The following TAF3 variants were observed in gnomAD, a reference collection of about 807,000 sequenced individuals.
TAF3 encodes TATA-box binding protein associated factor 3.
In TAF3, 7 loss-of-function variants were observed where a neutral mutation model predicts 80.6. The observed-to-expected ratio is 0.09, with a 90% CI of 0.05 to 0.16. The LOEUF is 0.16. Ranked by LOEUF, TAF3 falls within the 10% of genes least tolerant of loss-of-function variation. The pLI, the probability that TAF3 is intolerant of heterozygous loss-of-function variation, is 1.00. For missense variants in TAF3, 921 were observed against 1,140.2 expected, an observed-to-expected ratio of 0.81 and a Z score of 2.77; for synonymous variants, 444 against 446.1, an observed-to-expected ratio of 1.00 and a Z score of 0.06.
At chr10:7,860,657 G>A (rs1435802413) in intron 2 of TAF3, among the ~76,000 whole-genome samples, 1 of 152,078 alleles carries the variant, frequency 6.6e-6, no homozygotes, top group East Asian at 1.9e-4. Context: ...CCTACAAAAG[G>A]TACCAATTAA....
At chr10:7,821,512 G>A (rs1031039137) in intron 1 of TAF3, among the ~76,000 whole-genome samples, 2 of 152,156 alleles carry the variant, frequency 1.3e-5, no homozygotes, top group Non-Finnish European at 2.9e-5. Flanking sequence ...GATGGTGTTT[G>A]TTTCTTCTAA....
chr10:7,917,935 G>T (rs968435237), intron 2 of TAF3, among the ~76,000 whole-genome samples: 4 of 152,220 alleles, frequency 2.6e-5, no homozygotes, highest in African/African-American at 9.6e-5. Flanking sequence ...AGGAGTGGAA[G>T]GTAGGAAGGA....
chr10:8,013,627 CT>C (rs1181290596), intron 5 of TAF3, 103 bp from the exon 6 acceptor site: 3 of 810,680 alleles, frequency 3.7e-6, no homozygotes, highest in Non-Finnish European at 6.0e-6. Context: ...TTTAATATGC[CT>C]GTTTATTCGG....
intron 4 of TAF3, among the ~76,000 whole-genome samples, chr10:8,003,557 T>G (rs1459034400): frequency 1.3e-5 from 2 of 152,230 alleles, no homozygotes; most frequent in Non-Finnish European, 2.9e-5. Flanking sequence ...TAAATTTTAA[T>G]GTAACAGAAT....
In TAF3 at chr10:8,009,179, T is replaced by TGCC. The variant is rs1179949715; in HGVS notation, c.2419_2420insCGC (p.Met806_Leu807insPro). The TGCC allele has an allele frequency of 3.7e-5, 56 of 1,520,848 alleles. No homozygotes were observed. The highest frequency in any genetic ancestry group is 4.9e-5 in the Non-Finnish European group (56 of 1,132,274). 94.2% of individuals were successfully genotyped at this position (1,520,848 alleles called of 1,614,324 possible). ...GCCCCCGCGCCCGCCCCCGGCCCCA[T>TGCC]GCTCGTCAGCCCTGCGCCCGTGCCG... On this transcript the variant is annotated inframe_insertion, in exon 5 of 7. Coordinates refer to ENST00000344293, the MANE Select transcript of TAF3 (RefSeq NM_031923.4). This position sits in a 1 kb window ranked among gnomAD's most constrained non-coding sequence, Gnocchi z 4.1.
chr10:7,855,320 A>G (rs1837067574), intron 2 of TAF3, among the ~76,000 whole-genome samples: 1 of 152,188 alleles, frequency 6.6e-6, no homozygotes, highest in Admixed American at 6.5e-5. Flanking sequence ...CAAAAGACTG[A>G]CTTCAAAGGG....
At chr10:7,989,653 C>T (rs933823706) in intron 4 of TAF3, among the ~76,000 whole-genome samples, 2 of 152,178 alleles carry the variant, frequency 1.3e-5, no homozygotes, top group Non-Finnish European at 2.9e-5. Flanking sequence ...ACTGTATGGG[C>T]ATATTTAAAA....
chr10:7,873,620 C>CCT (rs1554779068), intron 2 of TAF3, among the ~76,000 whole-genome samples: 1 of 127,284 alleles, frequency 7.9e-6, no homozygotes, highest in African/African-American at 3.0e-5. Flanking sequence ...CGAGTTCTCC[C>CCT]CCCCCCCCCG....
At chr10:7,921,622 T>C (rs1399124643) in intron 2 of TAF3, among the ~76,000 whole-genome samples, 1 of 152,138 alleles carries the variant, frequency 6.6e-6, no homozygotes, top group African/African-American at 2.4e-5. Flanking sequence ...TGAATCTATA[T>C]TGAAAAATGT....
In TAF3 at chr10:7,993,817, A is replaced by G. The variant is rs556873292; in HGVS notation, c.2316-15261A>G. On this transcript the variant is annotated intron_variant, in intron 4 of 6. Coordinates refer to ENST00000344293, the MANE Select transcript of TAF3 (RefSeq NM_031923.4). ...CATGTATTAGCTGAAATTCATCCCT[A>G]AAGGTGAACCTCAGCGACCCTGAAA... Among the ~76,000 whole-genome samples, 16 of 152,072 alleles carry G rather than the reference A, an allele frequency of 1.1e-4. No individual in the cohort carries two copies. In the East Asian group the frequency reaches 3.1e-3, roughly 29 times the overall value.
At position 7,965,215 on chromosome 10, in the gene TAF3, G is replaced by A; in HGVS notation, c.1705G>A (p.Gly569Ser). 1.2e-6 allele frequency: 2 copies of A among 1,607,066 alleles called. No individual in the cohort carries two copies. Among genetic ancestry groups the A allele is most frequent in the Non-Finnish European group, 1.7e-6 (2 of 1,178,312 alleles). Residue 569 changes from glycine to serine, a missense_variant, in exon 3 of 7, where the codon GGC becomes AGC. Physicochemically the swap from Gly to Ser is moderately conservative, Grantham distance 56 (BLOSUM62 0). Coordinates refer to ENST00000344293, the MANE Select transcript of TAF3 (RefSeq NM_031923.4). ...AGAGAAAGAGAAAGACAAGGAAACT[G>A]GCAGGGAAACAAAGTATCCCTGGAA... ...VKEKEKDKET[G>S]RETKYPWKEF... is the part of the protein sequence containing the mutation.
At chr10:7,958,577 A>G (rs1171094058) in intron 2 of TAF3, among the ~76,000 whole-genome samples, 1 of 152,204 alleles carries the variant, frequency 6.6e-6, no homozygotes, top group Non-Finnish European at 1.5e-5. Flanking sequence ...ACTACAAAGG[A>G]AACAGATTGA....
intron 2 of TAF3, among the ~76,000 whole-genome samples, chr10:7,887,733 GA>G (rs1461200183): frequency 3.3e-5 from 5 of 151,914 alleles, no homozygotes; most frequent in Non-Finnish European, 7.4e-5. Flanking sequence ...AATCGGGGGG[GA>G]TAAAGGAAAG....
At chr10:8,006,581 A>G (rs1831996127) in intron 4 of TAF3, among the ~76,000 whole-genome samples, 1 of 152,234 alleles carries the variant, frequency 6.6e-6, no homozygotes, top group Admixed American at 6.5e-5. Context: ...GGCTGTATCC[A>G]AGTTAGGAAG....
At chr10:7,842,200 G>T (rs1370108699) in intron 2 of TAF3, among the ~76,000 whole-genome samples, 1 of 122,034 alleles carries the variant, frequency 8.2e-6, no homozygotes, top group Non-Finnish European at 1.6e-5. Flanking sequence ...TTGAGACAGA[G>T]TCTTCCTCTG....
At chr10:7,867,079 C>A (rs920880692) in intron 2 of TAF3, among the ~76,000 whole-genome samples, 1 of 151,920 alleles carries the variant, frequency 6.6e-6, no homozygotes, top group African/African-American at 2.4e-5. Context: ...GTGAACATGG[C>A]GAAACCCCAT....
chr10:7,948,056 A>C (rs1322680348), intron 2 of TAF3, among the ~76,000 whole-genome samples: 4 of 148,474 alleles, frequency 2.7e-5, no homozygotes, highest in Non-Finnish European at 6.0e-5. Flanking sequence ...ATAGTACTTT[A>C]TGACTCTGAT....
At chr10:7,897,255 G>C (rs1236087969) in intron 2 of TAF3, among the ~76,000 whole-genome samples, 1 of 152,190 alleles carries the variant, frequency 6.6e-6, no homozygotes, top group Non-Finnish European at 1.5e-5. Context: ...ACTTAAGCCA[G>C]GTCGCCGGGG....
chr10:7,978,762 G>A lies in TAF3; in HGVS notation c.2315+1439G>A, dbSNP rs60116485. ...GATGTTGTTATCCATCATTCAACAA[G>A]TACTTTTCTCCTGCAGTTTATATTT... On this transcript the variant is annotated intron_variant, in intron 4 of 6. Coordinates refer to ENST00000344293, the MANE Select transcript of TAF3 (RefSeq NM_031923.4). 1.8e-3 allele frequency among the ~76,000 whole-genome samples: 281 copies of A among 152,308 alleles called. 2 individuals are homozygous for A. The highest frequency in any genetic ancestry group is 6.4e-3 in the African/African-American group (267 of 41,572).
Sources: allele counts gnomAD v4.1 joint callset (sites outside exome capture counted in the v4.1 genomes callset), GRCh38; gene constraint gnomAD v4.1.1; non-coding constraint Gnocchi (gnomAD v3.1); transcripts MANE v1.5; gene names NCBI Gene and HGNC (gene_info 2026-07-23, HGNC 2026-07-21).